Variants in LHX9 observed in about 807,000 individuals in gnomAD.
LHX9 encodes the protein LIM/homeobox protein Lhx9.
A neutral mutation model predicts 36.5 loss-of-function variants in LHX9; 9 were observed. The observed-to-expected ratio is 0.25, with a 90% confidence interval of 0.15 to 0.43. The LOEUF (loss-of-function observed/expected upper bound fraction) is 0.43. LHX9 is among the 20% of genes least tolerant of loss of function. The probability of loss-of-function intolerance (pLI) is 1.00; values close to 1 mark genes in which losing one functional copy is unlikely to be tolerated. For missense variants in LHX9, 464 were observed against 526.4 expected (o/e 0.88, Z 1.16); for synonymous variants, 211 against 212.1 (o/e 0.99, Z 0.04).
At position 197,929,616 on chromosome 1, in the gene LHX9, T is replaced by C; in HGVS notation, c.*357T>C. ...AAAAGAAAAAAGAGTGGTATTATTATGGGCAAATAATCATATTCCCACTTA... is the reference window on the plus strand; with the variant it reads ...AAAAGAAAAAAGAGTGGTATTATTACGGGCAAATAATCATATTCCCACTTA... On this transcript the variant is annotated 3_prime_UTR_variant, in exon 5 of 5. Transcript: ENST00000367387. 1 of 919,142 alleles carries C rather than the reference T, an allele frequency of 1.1e-6. No individual in the cohort carries two copies. The highest frequency in any genetic ancestry group is 1.3e-6 in the Non-Finnish European group (1 of 769,500). The allele number at this position is 919,142 out of a possible 1,614,324, so 56.9% of individuals were successfully genotyped here.
upstream of LHX9, among the ~76,000 whole-genome samples, chr1:197,915,414 C>T (rs1380197692): frequency 6.6e-6 from 1 of 152,200 alleles, no homozygotes; most frequent in Admixed American, 6.5e-5. Flanking sequence ...CTGCTGCCCC[C>T]AGCCCCTCCT....
chr1:197,927,412 G>T lies in LHX9; in HGVS notation c.734-179G>T, dbSNP rs184668652. The stretch of plus-strand genomic sequence containing the variant: ...TTTGGTTGTGTCTACATTAACAGAA[G>T]AGTTCAGCTTACTTTAGCAATTATC... On this transcript the variant is annotated intron_variant, in intron 3 of 4. Transcript: ENST00000367387. 6.0e-4 allele frequency among the ~76,000 whole-genome samples: 91 copies of T among 152,278 alleles called. 1 individual carries two copies. Among genetic ancestry groups the T allele is most frequent in the Middle Eastern group, 3.4e-3 (1 of 294 alleles).
chr1:197,917,132 G>A (rs1571397250), upstream of LHX9: 1 of 436,796 alleles, frequency 2.3e-6, no homozygotes, highest in Non-Finnish European at 3.0e-6. Context: ...GCGCGCGCGT[G>A]TGTGTGTTTT....
Position 197,921,745 on chromosome 1 carries a change from G to A in LHX9, c.733+86G>A. 1 of 1,162,588 alleles carries A rather than the reference G, an allele frequency of 8.6e-7. No individual in the cohort carries two copies. The highest frequency in any genetic ancestry group is 1.2e-6 in the Non-Finnish European group (1 of 843,004). The allele number at this position is 1,162,588 out of a possible 1,614,324, so 72.0% of individuals were successfully genotyped here. A position where few individuals can be genotyped will look rare whatever the true frequency, so the allele number is the denominator to read the frequency against. On this transcript the variant is annotated intron_variant, in intron 3 of 4. Transcript: ENST00000367387. The surrounding 1 kb of genome is among the most constrained non-coding windows in gnomAD (Gnocchi z 4.6). ...CTCCTTCCCCGTCCAAAGTCTTGCT[G>A]CAAGAGTGTGTTTTGCCCAATGCCT...
intron 3 of LHX9, among the ~76,000 whole-genome samples, chr1:197,922,548 G>A (rs765599258): frequency 6.6e-6 from 1 of 152,098 alleles, no homozygotes; most frequent in Non-Finnish European, 1.5e-5. Flanking sequence ...GATGGTGATC[G>A]GCTCTGCAGA....
In LHX9 at chr1:197,933,436, A is replaced by G. The variant is rs1242557361; in HGVS notation, c.*4177A>G. On this transcript the variant is annotated 3_prime_UTR_variant, in exon 5 of 5. Transcript: ENST00000367387. ...GATCACAAATCATGCTGGTTTTGTC[A>G]GTAACTTGAATGTTTATGCCTCATT... 6.6e-6 allele frequency: 1 copy of G among 152,048 alleles called. No individual in the cohort carries two copies. The highest frequency in any genetic ancestry group is 2.1e-4 in the South Asian group (1 of 4,828). 9.4% of individuals were successfully genotyped at this position (152,048 alleles called of 1,614,324 possible).
chr1:197,917,131 T>G, upstream of LHX9: 12 of 347,756 alleles, frequency 3.5e-5, no homozygotes, highest in Non-Finnish European at 4.3e-5. Flanking sequence ...CGCGCGCGCG[T>G]GTGTGTGTTT....
chr1:197,928,685 T>C (rs1660221074), intron 4 of LHX9, among the ~76,000 whole-genome samples: 1 of 152,188 alleles, frequency 6.6e-6, no homozygotes, highest in South Asian at 2.1e-4. Flanking sequence ...CCCCTTTTTA[T>C]CACCATGTGT....
At position 197,917,951 on chromosome 1, in the gene LHX9, CTG is replaced by C; in HGVS notation, c.129_130del (p.Glu44GlyfsTer56). On this transcript the variant is annotated frameshift_variant, in exon 1 of 5. Transcript: ENST00000367387. LOFTEE classifies it high-confidence loss of function. The stretch of plus-strand genomic sequence containing the variant: ...GAGGAGATGGAGCGCAGATCCAAGA[CTG>C]AGGCCCGTCTGGCCAAAGGCGCCCA... The C allele has an allele frequency of 6.2e-7, 1 of 1,614,186 alleles. No homozygotes were observed. The highest frequency in any genetic ancestry group is 2.2e-5 in the East Asian group (1 of 44,874).
At chr1:197,918,825 C>T (rs1270115316) in intron 1 of LHX9, 1 of 136,758 alleles carries the variant, frequency 7.3e-6, no homozygotes, top group Non-Finnish European at 1.6e-5. Context: ...CAGAAGTCTC[C>T]GGAAATTATT....
At chr1:197,927,476 G>C (rs1660177851) in intron 3 of LHX9, 115 bp from the exon 4 acceptor site, 6 of 864,634 alleles carry the variant, frequency 6.9e-6, no homozygotes, top group Non-Finnish European at 1.2e-5. Context: ...TAATTGGGTT[G>C]ACAACCTTTT....
chr1:197,932,094 G>A lies in LHX9; in HGVS notation c.*2835G>A, dbSNP rs1660345553. The A allele has an allele frequency of 4.3e-6, 3 of 697,378 alleles. No individual in the cohort carries two copies. The highest frequency in any genetic ancestry group is 2.7e-5 in the East Asian group (1 of 36,426). 43.2% of individuals were successfully genotyped at this position (697,378 alleles called of 1,614,324 possible). A position where few individuals can be genotyped will look rare whatever the true frequency, so the allele number is the denominator to read the frequency against. ...ATTAAGCCAAAAAAAAAGAGAGAGAGAGAGACTTAAATGTCATTTACTGAA... is the reference window on the plus strand; with the variant it reads ...ATTAAGCCAAAAAAAAAGAGAGAGAAAGAGACTTAAATGTCATTTACTGAA... On this transcript the variant is annotated 3_prime_UTR_variant, in exon 5 of 5. Transcript: ENST00000367387.
chr1:197,921,481 C>T lies in LHX9; in HGVS notation c.555C>T (p.Ala185=). 6.2e-7 allele frequency: 1 copy of T among 1,614,212 alleles called. No individual in the cohort carries two copies. Among genetic ancestry groups the T allele is most frequent in the South Asian group, 1.1e-5 (1 of 91,076 alleles). ...AGGACAGCCTGGTGTACTGCCGCGC[C>T]CACTTCGAGACCCTCTTGCAAGGAG... The part of the protein sequence containing the change: ...GMKDSLVYCR[A]HFETLLQGEY... The change falls in exon 3 of 5, where the codon GCC becomes GCT. Residue 185 remains alanine (A), a synonymous_variant. Transcript: ENST00000367387. This position sits in a 1 kb window ranked among gnomAD's most constrained non-coding sequence, Gnocchi z 4.6.
upstream of LHX9, among the ~76,000 whole-genome samples, chr1:197,914,773 A>T (rs889158433): frequency 6.6e-6 from 1 of 152,192 alleles, no homozygotes; most frequent in Non-Finnish European, 1.5e-5. Context: ...ACTGAGAAGG[A>T]AGAATCCTGG....
upstream of LHX9, chr1:197,912,508 T>C (rs760838581): frequency 1.9e-6 from 3 of 1,614,048 alleles, no homozygotes; most frequent in South Asian, 3.3e-5. Context: ...CATTACGGCG[T>C]GATCCACTCC....
chr1:197,917,683 T>C lies in LHX9; in HGVS notation c.-141T>C. On this transcript the variant is annotated 5_prime_UTR_variant, in exon 1 of 5. Transcript: ENST00000367387. Reference sequence around the variant, plus strand: ...CCCCTCGGCCCCCCAAGCAGACCGATTTCCACTCCATCTGTTTCTTCTCCT... The same window carrying C: ...CCCCTCGGCCCCCCAAGCAGACCGACTTCCACTCCATCTGTTTCTTCTCCT... The C allele has an allele frequency of 6.4e-7, 1 of 1,569,680 alleles. No individual in the cohort carries two copies.
intron 1 of LHX9, chr1:197,918,214 A>T: frequency 1.4e-6 from 1 of 712,086 alleles, no homozygotes; most frequent in Non-Finnish European, 2.6e-6. Context: ...CCTCCGTCGC[A>T]GCTGATTCCG....
Position 197,923,495 on chromosome 1 carries a change from C to CAGAGAGAG in LHX9, c.733+1856_733+1863dup, listed in dbSNP as rs148599324. Among the ~76,000 whole-genome samples, 381 of 147,742 alleles carry CAGAGAGAG rather than the reference C, an allele frequency of 2.6e-3. 4 individuals are homozygous for CAGAGAGAG. Among genetic ancestry groups the CAGAGAGAG allele is most frequent in the East Asian group, 0.015 (75 of 4,922 alleles). On this transcript the variant is annotated intron_variant, in intron 3 of 4. Coordinates refer to ENST00000367387, the MANE Select transcript of LHX9 (RefSeq NM_020204.3). ...AGCCACTCACCAAGGCCCTAATTCC[C>CAGAGAGAG]AGAGAGAGAGAGAGAGAGAGAGAGA... is the stretch of plus-strand genomic sequence containing the variant.
Position 197,917,451 on chromosome 1 carries a change from T to C in LHX9, c.-373T>C. 7.6e-7 allele frequency: 1 copy of C among 1,323,198 alleles called. No homozygotes were observed. The highest frequency in any genetic ancestry group is 1.0e-6 in the Non-Finnish European group (1 of 1,001,840). 82.0% of individuals were successfully genotyped at this position (1,323,198 alleles called of 1,614,324 possible). A position where few individuals can be genotyped will look rare whatever the true frequency, so the allele number is the denominator to read the frequency against. ...GAAAATAGCACGTCTTTTTCTTTCTTTGTGTTCAAAACTATTTTCTTTCTT... is the reference window on the plus strand; with the variant it reads ...GAAAATAGCACGTCTTTTTCTTTCTCTGTGTTCAAAACTATTTTCTTTCTT... On this transcript the variant is annotated 5_prime_UTR_variant, in exon 1 of 5. Coordinates refer to ENST00000367387, the MANE Select transcript of LHX9 (RefSeq NM_020204.3).
Sources: allele counts gnomAD v4.1 joint callset (sites outside exome capture counted in the v4.1 genomes callset), GRCh38; gene constraint gnomAD v4.1.1; non-coding constraint Gnocchi (gnomAD v3.1); transcripts MANE v1.5; gene names NCBI Gene and HGNC (gene_info 2026-07-23, HGNC 2026-07-21).